CHD8: variants seen among roughly 807,000 people sequenced by gnomAD.
CHD8 encodes the protein ATP-dependent chromatin remodeler CHD8.
A neutral mutation model predicts 279.2 loss-of-function variants in CHD8; 31 were observed. The observed-to-expected ratio is 0.11, with a 90% CI of 0.08 to 0.15. The LOEUF (loss-of-function observed/expected upper bound fraction) is 0.15, where lower values mean the gene tolerates loss of function less well. Among genes scored for constraint, CHD8 ranks in the 10% least tolerant of loss-of-function variants. The pLI, the probability that CHD8 is intolerant of heterozygous loss-of-function variation, is 1.00. For synonymous variants in CHD8, 1,081 were observed against 1,139.6 expected (o/e 0.95, Z 1.04); for missense variants, 2,146 against 3,230.5 (o/e 0.66, Z 8.14).
Position 21,393,591 on chromosome 14 carries a change from A to G in CHD8, c.6204T>C (p.Asp2068=). Residue 2068 remains aspartate, a synonymous_variant, in exon 32 of 38, where the codon GAT becomes GAC. Coordinates refer to ENST00000646647, the MANE Select transcript of CHD8 (RefSeq NM_001170629.2). The stretch of plus-strand genomic sequence containing the variant: ...TGCTCAAGTCCAGCTCAGAGTCCGA[A>G]TCATCCTCATCCTCCAGTTTGACTG... The part of the protein sequence containing the change: ...VPPVKLEDED[D]SDSELDLSKL... 1 of 1,613,778 alleles carries G rather than the reference A, an allele frequency of 6.2e-7. No individual in the cohort carries two copies. Among genetic ancestry groups the G allele is most frequent in the Non-Finnish European group, 8.5e-7 (1 of 1,179,826 alleles).
Position 21,428,397 on chromosome 14 carries a change from C to A in CHD8, c.1216-143G>T, listed in dbSNP as rs1594376259. ...CAGACTAAATCTTATTGAACCTACACCTACTTTTTAAAATGTATTCTTTTG... is the reference window on the plus strand; with the variant it reads ...CAGACTAAATCTTATTGAACCTACAACTACTTTTTAAAATGTATTCTTTTG... On this transcript the variant is annotated intron_variant, in intron 3 of 37. Coordinates refer to ENST00000646647, the MANE Select transcript of CHD8 (RefSeq NM_001170629.2). 1.6e-5 allele frequency: 12 copies of A among 741,372 alleles called. No homozygotes were observed. The East Asian group carries it at 3.2e-4, about 20-fold the overall frequency. 45.9% of individuals were successfully genotyped at this position (741,372 alleles called of 1,614,324 possible). A position where few individuals can be genotyped will look rare whatever the true frequency, so the allele number is the denominator to read the frequency against.
chr14:21,427,749 G>A (rs1889389908), intron 4 of CHD8, 120 bp downstream of exon 4: 1 of 1,523,900 alleles, frequency 6.6e-7, no homozygotes, highest in East Asian at 2.3e-5. Context: ...GCTTGCTCTT[G>A]CCCTTTGTTT....
chr14:21,454,187 G>GAA (rs1555321165), intron 1 of CHD8, among the ~76,000 whole-genome samples: 1 of 146,870 alleles, frequency 6.8e-6, no homozygotes, highest in African/African-American at 2.6e-5. Context: ...GAAAAGAAAA[G>GAA]AAAAGAAAAG....
intron 26 of CHD8, 165 bp from the exon 27 acceptor site, chr14:21,398,117 AT>A: frequency 1.8e-6 from 1 of 546,684 alleles, no homozygotes. Context: ...TATATTTAAC[AT>A]TTTTATAGCA....
At chr14:21,437,905 A>C (rs1282063539) in intron 1 of CHD8, among the ~76,000 whole-genome samples, 1 of 151,966 alleles carries the variant, frequency 6.6e-6, no homozygotes, top group Non-Finnish European at 1.5e-5. Flanking sequence ...CTCACCCTCT[A>C]AACTCGGTTT....
intron 7 of CHD8, 70 bp from the exon 8 acceptor site, chr14:21,415,063 A>T: frequency 1.0e-6 from 1 of 997,310 alleles, no homozygotes; most frequent in Non-Finnish European, 1.5e-6. Flanking sequence ...AATTTTAACC[A>T]CACATTGCAG....
Position 21,405,845 on chromosome 14 carries a change from G to A in CHD8, c.2927C>T (p.Thr976Ile). The A allele has an allele frequency of 6.2e-7, 1 of 1,613,504 alleles. No homozygotes were observed. Among genetic ancestry groups the A allele is most frequent in the Non-Finnish European group, 8.5e-7 (1 of 1,179,576 alleles). ...TACAGTATTTTGCAATGGTGTTCCT[G>A]TGAGTAGCACCTTGTGTTCCTAGAA... The part of the protein sequence containing the change: ...HMDLEHKVLL[T>I]GTPLQNTVEE... Residue 976 changes from threonine to isoleucine, a missense_variant, in exon 15 of 38, where the codon ACA becomes ATA. Physicochemically the swap from Thr to Ile is moderately conservative, Grantham distance 89 (BLOSUM62 -1). Coordinates refer to ENST00000646647, the MANE Select transcript of CHD8 (RefSeq NM_001170629.2). The surrounding 1 kb of genome is among the most constrained non-coding windows in gnomAD (Gnocchi z 4.2).
At chr14:21,417,213 C>T (rs1566434901) in intron 5 of CHD8, among the ~76,000 whole-genome samples, 1 of 152,070 alleles carries the variant, frequency 6.6e-6, no homozygotes, top group South Asian at 2.1e-4. Context: ...CATATAGGCA[C>T]GACTTCCATG....
chr14:21,402,313 A>C lies in CHD8; in HGVS notation c.3882+23T>G, dbSNP rs770573092. The C allele has an allele frequency of 3.7e-6, 6 of 1,612,924 alleles. No homozygotes were observed. In the Admixed American group the frequency reaches 8.3e-5, roughly 22 times the overall value. On this transcript the variant is annotated intron_variant, in intron 19 of 37. Coordinates refer to ENST00000646647, the MANE Select transcript of CHD8 (RefSeq NM_001170629.2). This position sits in a 1 kb window ranked among gnomAD's most constrained non-coding sequence, Gnocchi z 4.5. ...TATCACAATGATCTACTACAAACTT[A>C]TCTATAAACTAAGAGGACTCACTCC...
intron 1 of CHD8, chr14:21,454,901 C>T (rs1350138002): frequency 6.6e-6 from 1 of 152,208 alleles, no homozygotes; most frequent in Non-Finnish European, 1.5e-5. Context: ...AAGCAGAAGA[C>T]ACGATCTAAT....
intron 16 of CHD8, among the ~76,000 whole-genome samples, chr14:21,404,228 T>C (rs2139471990): frequency 6.6e-6 from 1 of 151,302 alleles, no homozygotes; most frequent in Non-Finnish European, 1.5e-5. Flanking sequence ...CGAAACCCTG[T>C]CTCTACTAAA....
At chr14:21,417,778 T>C (rs962643056) in intron 5 of CHD8, among the ~76,000 whole-genome samples, 1 of 147,812 alleles carries the variant, frequency 6.8e-6, no homozygotes, top group South Asian at 2.1e-4. Context: ...GGCGTGAACC[T>C]GGGAGGTGGA....
rs759907672 is a variant in CHD8 at position 21,394,332 on chromosome 14, A to G, written c.5544T>C (p.His1848=). The G allele has an allele frequency of 1.2e-6, 2 of 1,613,918 alleles. No individual in the cohort carries two copies. The highest frequency in any genetic ancestry group is 2.7e-5 in the African/African-American group (2 of 74,944). Residue 1848 remains histidine, a synonymous_variant, in exon 31 of 38, where the codon CAT becomes CAC. Coordinates refer to ENST00000646647, the MANE Select transcript of CHD8 (RefSeq NM_001170629.2). The part of the protein sequence containing the change: ...KTDESLTKYF[H]GFVAMCRQVC... ...CTTGGCGGCACATGGCCACAAAGCC[A>G]TGGAAGTACTTGGTAAGGCTTTCAT...
chr14:21,430,934 C>A lies in CHD8; in HGVS notation c.710G>T (p.Arg237Leu). The change falls in exon 2 of 38, where the codon CGC (arginine) becomes CTC (leucine). Residue 237 changes from arginine (R) to leucine (L), a missense_variant. Arg to Leu is a moderately radical substitution (Grantham distance 102). Around this residue, in one of 26 missense-constraint regions of CHD8, gnomAD observed 302 missense variants for 325.5 expected, o/e 0.93. Transcript: ENST00000646647. ...TACTGGTCGGCTGGGCTGGACAATGCGCTGAACAGCAGCCTGGTTCCCAGG... is the reference window on the plus strand; with the variant it reads ...TACTGGTCGGCTGGGCTGGACAATGAGCTGAACAGCAGCCTGGTTCCCAGG... ...KVPGNQAAVQ[R>L]IVQPSRPVKQ... The A allele has an allele frequency of 1.3e-6, 2 of 1,599,474 alleles. No homozygotes were observed. The highest frequency in any genetic ancestry group is 1.7e-6 in the Non-Finnish European group (2 of 1,179,766).
At chr14:21,424,487 T>C (rs532382343) in intron 5 of CHD8, among the ~76,000 whole-genome samples, 2 of 152,298 alleles carry the variant, frequency 1.3e-5, no homozygotes, top group South Asian at 4.1e-4. Flanking sequence ...TTTTGTTTTT[T>C]TGAGGTGGAG....
intron 1 of CHD8, among the ~76,000 whole-genome samples, chr14:21,439,452 C>G (rs924860886): frequency 2.3e-4 from 35 of 152,168 alleles, no homozygotes; most frequent in African/African-American, 8.0e-4. Context: ...GATTTTGGAG[C>G]TGCCAAAGAC....
chr14:21,395,598 A>C (rs1348482964), intron 28 of CHD8: 2 of 590,098 alleles, frequency 3.4e-6, no homozygotes, highest in East Asian at 5.6e-5. Flanking sequence ...TTAGTCAAAT[A>C]ATATCTTTCA....
chr14:21,415,421 G>A, intron 7 of CHD8, 153 bp downstream of exon 7: 1 of 381,632 alleles, frequency 2.6e-6, no homozygotes, highest in Non-Finnish European at 4.4e-6. Flanking sequence ...AATAGCTCAA[G>A]CCCAGAAGTT....
chr14:21,451,571 C>CAA lies in CHD8; in HGVS notation c.-216+4459_-216+4460dup, dbSNP rs969355375. ...TGGGCAACAGAGTGAGACTCTGTCT[C>CAA]AAAAAAAAAAAAAAAAAAAAAAAAA... On this transcript the variant is annotated intron_variant, in intron 1 of 37. Transcript: ENST00000646647. 9.3e-3 allele frequency among the ~76,000 whole-genome samples: 294 copies of CAA among 31,600 alleles called. 28 individuals carry two copies. Among genetic ancestry groups the CAA allele is most frequent in the Middle Eastern group, 0.04 (2 of 50 alleles). The allele number at this position is 31,600 out of a possible 152,430, so 20.7% of individuals were successfully genotyped here.
Sources: allele counts gnomAD v4.1 joint callset (sites outside exome capture counted in the v4.1 genomes callset), GRCh38; gene constraint gnomAD v4.1.1; regional missense constraint gnomAD v4.1.1; non-coding constraint Gnocchi (gnomAD v3.1); transcripts MANE v1.5; gene names NCBI Gene and HGNC (gene_info 2026-07-23, HGNC 2026-07-21).